Variants in PACSIN2 observed in about 807,000 individuals in gnomAD.
PACSIN2 encodes the protein protein kinase C and casein kinase substrate in neurons 2.
In PACSIN2, 25 loss-of-function variants were observed where a neutral mutation model predicts 63.8. That is an observed-to-expected ratio of 0.39 (90% CI 0.29 to 0.55). The LOEUF (loss-of-function observed/expected upper bound fraction) is 0.55, where lower values mean the gene tolerates loss of function less well. Among genes scored for constraint, PACSIN2 ranks in the 20% least tolerant of loss-of-function variants. The pLI, the probability that PACSIN2 is intolerant of heterozygous loss-of-function variation, is 0.62. For missense variants in PACSIN2, 518 were observed against 646.9 expected (o/e 0.80, Z 2.16); for synonymous variants, 255 against 256.2 (o/e 1.00, Z 0.05).
chr22:42,901,294 T>C (rs1462855729), intron 2 of PACSIN2, among the ~76,000 whole-genome samples: 2 of 152,134 alleles, frequency 1.3e-5, no homozygotes, highest in African/African-American at 4.8e-5. Flanking sequence ...GCTGACCAAA[T>C]ATGCCAAGAA....
chr22:42,876,239 A>G lies in PACSIN2; in HGVS notation c.1246T>C (p.Ser416Pro). The stretch of plus-strand genomic sequence containing the variant: ...GTGGCGTCGTCGTCGAATGGATTCG[A>G]GTCCCCATTGGCATCCGTGGAGGAG... Reference protein sequence around the residue: ...PFSSTDANGDSNPFDDDATSG... With the variant: ...PFSSTDANGDPNPFDDDATSG... Residue 416 changes from serine (S) to proline (P), a missense_variant, in exon 10 of 11, where the codon TCG becomes CCG. Ser to Pro is a moderately conservative substitution (Grantham distance 74). This residue lies in a region of PACSIN2 where 507 missense variants were observed against 612.3 expected (regional missense o/e 0.83). Transcript: ENST00000263246. The G allele has an allele frequency of 6.2e-7, 1 of 1,614,190 alleles. No individual in the cohort carries two copies. Among genetic ancestry groups the G allele is most frequent in the Non-Finnish European group, 8.5e-7 (1 of 1,180,024 alleles).
intron 1 of PACSIN2, among the ~76,000 whole-genome samples, chr22:42,921,462 A>G (rs1932191927): frequency 6.6e-6 from 1 of 151,948 alleles, no homozygotes; most frequent in African/African-American, 2.4e-5. Context: ...CCAGACTCTT[A>G]CAGAGATGTG....
At chr22:42,979,000 G>T (rs1921888422) in intron 1 of PACSIN2, among the ~76,000 whole-genome samples, 1 of 152,156 alleles carries the variant, frequency 6.6e-6, no homozygotes, top group African/African-American at 2.4e-5. Context: ...TCAGAACTCT[G>T]ACCAGTATAA....
At chr22:42,947,147 T>G (rs974529928) in intron 1 of PACSIN2, 1 of 151,962 alleles carries the variant, frequency 6.6e-6, no homozygotes, top group Admixed American at 6.6e-5. Context: ...CTGGCATAAA[T>G]AGAAGGAAAA....
chr22:43,008,337 G>A (rs1924232560), intron 1 of PACSIN2, among the ~76,000 whole-genome samples: 3 of 152,030 alleles, frequency 2.0e-5, no homozygotes, highest in Middle Eastern at 6.8e-3. Flanking sequence ...TGCAACCTCC[G>A]CCTCCTGGGT....
chr22:42,890,291 C>T (rs997300857), intron 4 of PACSIN2, among the ~76,000 whole-genome samples: 5 of 152,144 alleles, frequency 3.3e-5, no homozygotes, highest in African/African-American at 7.2e-5. Flanking sequence ...TGAGCCACCG[C>T]GCCCGGCAAG....
chr22:42,922,311 C>T (rs1932247102), intron 1 of PACSIN2, among the ~76,000 whole-genome samples: 1 of 152,214 alleles, frequency 6.6e-6, no homozygotes, highest in Non-Finnish European at 1.5e-5. Context: ...ACAAGGACAT[C>T]CAGCTCCCCC....
intron 1 of PACSIN2, among the ~76,000 whole-genome samples, chr22:42,915,544 C>T (rs562828271): frequency 6.6e-6 from 1 of 152,322 alleles, no homozygotes; most frequent in African/African-American, 2.4e-5. Context: ...ACAGCTCAAT[C>T]TGTAATAACA....
chr22:42,882,326 C>A, intron 6 of PACSIN2, 22 bp from the exon 7 acceptor site: 1 of 1,595,870 alleles, frequency 6.3e-7, no homozygotes, highest in Non-Finnish European at 8.5e-7. Context: ...AGAAACGTGG[C>A]TCTTTTAGAA....
intron 1 of PACSIN2, among the ~76,000 whole-genome samples, chr22:42,930,902 T>G (rs1040842004): frequency 6.6e-6 from 1 of 152,168 alleles, no homozygotes; most frequent in African/African-American, 2.4e-5. Context: ...GCCTCCTGCA[T>G]GAGACACAGG....
intron 2 of PACSIN2, among the ~76,000 whole-genome samples, chr22:42,894,530 C>T (rs111228786): frequency 0.073 from 11,169 of 152,244 alleles, 852 homozygotes; most frequent in African/African-American, 0.19. Context: ...CGTGAGGCAC[C>T]GCGCCCAGCC....
At chr22:42,990,671 G>A (rs1203996918) in intron 1 of PACSIN2, among the ~76,000 whole-genome samples, 1 of 152,190 alleles carries the variant, frequency 6.6e-6, no homozygotes, top group Non-Finnish European at 1.5e-5. Flanking sequence ...AGTGTGGCAA[G>A]AGATGAGACT....
chr22:42,989,765 C>T (rs1210343613), intron 1 of PACSIN2, among the ~76,000 whole-genome samples: 1 of 150,874 alleles, frequency 6.6e-6, no homozygotes, highest in Non-Finnish European at 1.5e-5. Context: ...CGCGCCACCG[C>T]ATTCCAGCCT....
intron 1 of PACSIN2, among the ~76,000 whole-genome samples, chr22:42,914,936 T>A (rs893706398): frequency 1.3e-5 from 2 of 152,156 alleles, no homozygotes; most frequent in African/African-American, 4.8e-5. Context: ...ATCACACAGC[T>A]CACTGCAGCC....
At chr22:42,893,909 G>A (rs1930101365) in intron 2 of PACSIN2, among the ~76,000 whole-genome samples, 1 of 152,144 alleles carries the variant, frequency 6.6e-6, no homozygotes, top group African/African-American at 2.4e-5. Flanking sequence ...TCAGGAAGGG[G>A]TGGGGCTGAG....
chr22:42,955,376 G>A (rs1933873387), intron 1 of PACSIN2, among the ~76,000 whole-genome samples: 2 of 152,138 alleles, frequency 1.3e-5, no homozygotes, highest in Non-Finnish European at 2.9e-5. Context: ...TGTCCCTCCA[G>A]GCAGTGATCT....
intron 6 of PACSIN2, among the ~76,000 whole-genome samples, chr22:42,882,516 C>T (rs560667900): frequency 1.3e-5 from 2 of 152,160 alleles, no homozygotes; most frequent in Non-Finnish European, 2.9e-5. Flanking sequence ...TAAATCAAAC[C>T]AGCCAAGCAG....
At chr22:42,988,655 T>A (rs1922798571) in intron 1 of PACSIN2, among the ~76,000 whole-genome samples, 1 of 152,216 alleles carries the variant, frequency 6.6e-6, no homozygotes, top group Non-Finnish European at 1.5e-5. Flanking sequence ...TAGCTCTCTG[T>A]ACCAAATGCA....
chr22:42,905,068 GAAAAT>G (rs1759683941), intron 2 of PACSIN2, among the ~76,000 whole-genome samples: 1 of 152,110 alleles, frequency 6.6e-6, no homozygotes, highest in Non-Finnish European at 1.5e-5. Context: ...GATCAAATAA[GAAAAT>G]AAAATTTTAT....
Sources: gnomAD v4.1 joint callset for allele counts (sites outside exome capture counted in the v4.1 genomes callset) on GRCh38, gnomAD v4.1.1 for gene constraint, gnomAD v4.1.1 regional missense constraint, MANE v1.5 for transcripts, NCBI Gene and HGNC (gene_info 2026-07-23, HGNC 2026-07-21) for gene names.